NKD1: variants seen among roughly 807,000 people sequenced by gnomAD.
NKD1 encodes protein naked cuticle homolog 1.
NKD1 carries 21 observed loss-of-function variants against 56.0 expected under a neutral mutation model. That is an observed-to-expected ratio of 0.38 (90% confidence interval 0.27 to 0.54). The LOEUF (loss-of-function observed/expected upper bound fraction) is 0.54, where lower values mean the gene tolerates loss of function less well. Ranked by LOEUF, NKD1 falls within the 20% of genes least tolerant of loss-of-function variation. The pLI is 0.82. For missense variants in NKD1, 578 were observed against 642.7 expected, an observed-to-expected ratio of 0.90 and a Z score of 1.09; for synonymous variants, 263 against 265.7, an observed-to-expected ratio of 0.99 and a Z score of 0.10.
At chr16:50,549,202 A>G (rs1328486142) in intron 2 of NKD1, among the ~76,000 whole-genome samples, 1 of 148,706 alleles carries the variant, frequency 6.7e-6, no homozygotes, top group Non-Finnish European at 1.5e-5. Context: ...GGTACTGCTC[A>G]CCCCTCTTGC....
At chr16:50,583,235 G>T (rs73589914) in intron 3 of NKD1, among the ~76,000 whole-genome samples, 1 of 152,090 alleles carries the variant, frequency 6.6e-6, no homozygotes, top group Non-Finnish European at 1.5e-5. Flanking sequence ...AGAAAGCCTG[G>T]CAGCTTTTGC....
chr16:50,563,173 T>C (rs562792743), intron 3 of NKD1, among the ~76,000 whole-genome samples: 8 of 152,386 alleles, frequency 5.2e-5, no homozygotes, highest in African/African-American at 1.4e-4. Context: ...TATATTTTAT[T>C]TGAATGAATT....
At chr16:50,584,373 C>T (rs1961183040) in intron 3 of NKD1, among the ~76,000 whole-genome samples, 1 of 152,156 alleles carries the variant, frequency 6.6e-6, no homozygotes, top group African/African-American at 2.4e-5. Context: ...GGGAGGGCTC[C>T]CCCAAAAGGG....
rs575981747 is a variant in NKD1, at chr16:50,640,265, G to A, written c.*6484G>A. 6.6e-6 allele frequency: 1 copy of A among 152,398 alleles called. No individual in the cohort carries two copies. Among genetic ancestry groups the A allele is most frequent in the South Asian group, 2.1e-4 (1 of 4,826 alleles). 9.4% of individuals were successfully genotyped at this position (152,398 alleles called of 1,614,324 possible). A position where few individuals can be genotyped will look rare whatever the true frequency, so the allele number is the denominator to read the frequency against. On this transcript the variant is annotated 3_prime_UTR_variant, in exon 10 of 10. Coordinates refer to ENST00000268459, the MANE Select transcript of NKD1 (RefSeq NM_033119.5). ...AGACCAAGACCTTCAGGGGCCCTAAGCACTGAAAACATCATTCCTCATCCC... is the reference window on the plus strand; with the variant it reads ...AGACCAAGACCTTCAGGGGCCCTAAACACTGAAAACATCATTCCTCATCCC...
At chr16:50,629,574 T>C (rs1962298146) in intron 6 of NKD1, among the ~76,000 whole-genome samples, 1 of 152,180 alleles carries the variant, frequency 6.6e-6, no homozygotes, top group African/African-American at 2.4e-5. Context: ...AGGAGTTGGC[T>C]TGGCCCCTGC....
chr16:50,647,900 T>C lies in NKD1; in HGVS notation c.*14119T>C, dbSNP rs1962709859. On this transcript the variant is annotated 3_prime_UTR_variant, in exon 10 of 10. Coordinates refer to ENST00000268459, the MANE Select transcript of NKD1 (RefSeq NM_033119.5). The stretch of plus-strand genomic sequence containing the variant: ...GGTTTGGACATTTCCTGAGAATCCA[T>C]GGGGGAACCATTCAGGGTTTGGGGC... 6.6e-6 allele frequency: 1 copy of C among 152,204 alleles called. No homozygotes were observed. The highest frequency in any genetic ancestry group is 1.9e-4 in the East Asian group (1 of 5,194). 9.4% of individuals were successfully genotyped at this position (152,204 alleles called of 1,614,324 possible).
In NKD1 at chr16:50,632,239, G is replaced by A. The variant is rs374506027; in HGVS notation, c.696-42G>A. On this transcript the variant is annotated intron_variant, in intron 8 of 9. Transcript: ENST00000268459. The surrounding 1 kb of genome is among the most constrained non-coding windows in gnomAD (Gnocchi z 4.1). The stretch of plus-strand genomic sequence containing the variant: ...GTAGCCTATGCGCTTGCCCCCACCT[G>A]GTGGTTGGTGTTATCCCACTCACTT... 1.9e-6 allele frequency: 3 copies of A among 1,609,118 alleles called. No individual in the cohort carries two copies. The African/African-American group carries it at 4.0e-5, about 21-fold the overall frequency.
At chr16:50,630,575 G>A (rs1962322253) in intron 7 of NKD1, among the ~76,000 whole-genome samples, 2 of 152,078 alleles carry the variant, frequency 1.3e-5, no homozygotes, top group Non-Finnish European at 2.9e-5. Flanking sequence ...CTGGTGTTAC[G>A]GGCAGCATGG....
chr16:50,604,532 A>G (rs1028285436), intron 3 of NKD1, among the ~76,000 whole-genome samples: 3 of 152,200 alleles, frequency 2.0e-5, no homozygotes, highest in Non-Finnish European at 4.4e-5. Context: ...AGCGCTTCAC[A>G]TGCAATGACT....
intron 3 of NKD1, among the ~76,000 whole-genome samples, chr16:50,588,158 A>G (rs542134792): frequency 7.9e-5 from 12 of 152,344 alleles, no homozygotes; most frequent in African/African-American, 2.4e-4. Flanking sequence ...ACATTCATAC[A>G]TGGAAAGGAA....
At chr16:50,574,484 C>T in intron 3 of NKD1, 1 of 982,450 alleles carries the variant, frequency 1.0e-6, no homozygotes, top group Non-Finnish European at 1.2e-6. Flanking sequence ...TTTTTGGAAA[C>T]TCTCCATTTT....
intron 4 of NKD1, among the ~76,000 whole-genome samples, chr16:50,620,587 A>G (rs535597811): frequency 1.3e-5 from 2 of 152,284 alleles, no homozygotes; most frequent in African/African-American, 2.4e-5. Context: ...CCCCAGGGCA[A>G]CAGAAGGAAT....
At chr16:50,596,444 G>T (rs1224190331) in intron 3 of NKD1, among the ~76,000 whole-genome samples, 3 of 152,014 alleles carry the variant, frequency 2.0e-5, no homozygotes, top group African/African-American at 7.2e-5. Context: ...GTTCATGGAA[G>T]ACCATTGGGT....
At chr16:50,614,741 A>G (rs1230290520) in intron 4 of NKD1, among the ~76,000 whole-genome samples, 3 of 152,182 alleles carry the variant, frequency 2.0e-5, no homozygotes, top group African/African-American at 7.2e-5. Flanking sequence ...TATTTCCCCT[A>G]GTATCACCTC....
At chr16:50,570,026 G>A (rs991207232) in intron 3 of NKD1, among the ~76,000 whole-genome samples, 1 of 152,120 alleles carries the variant, frequency 6.6e-6, no homozygotes, top group Non-Finnish European at 1.5e-5. Flanking sequence ...GATTGGGAGT[G>A]CTCAGGGGAT....
At chr16:50,584,973 T>C (rs1477003174) in intron 3 of NKD1, among the ~76,000 whole-genome samples, 1 of 152,210 alleles carries the variant, frequency 6.6e-6, no homozygotes, top group East Asian at 1.9e-4. Context: ...GGACCCCCGA[T>C]TGAAGGCACC....
At chr16:50,570,011 G>A (rs953540456) in intron 3 of NKD1, among the ~76,000 whole-genome samples, 5 of 152,164 alleles carry the variant, frequency 3.3e-5, no homozygotes, top group Admixed American at 2.6e-4. Flanking sequence ...AATAGGGCGG[G>A]TCTGGATTGG....
At chr16:50,601,297 T>C (rs1052622393) in intron 3 of NKD1, among the ~76,000 whole-genome samples, 1 of 152,208 alleles carries the variant, frequency 6.6e-6, no homozygotes, top group Non-Finnish European at 1.5e-5. Flanking sequence ...GTCAGAGCTT[T>C]TAGTTGCAAG....
At chr16:50,554,278 G>A (rs1567332636) in intron 3 of NKD1, among the ~76,000 whole-genome samples, 1 of 152,130 alleles carries the variant, frequency 6.6e-6, no homozygotes, top group Admixed American at 6.5e-5. Flanking sequence ...TCCTCTGCTC[G>A]CCCAGTGGGG....
Sources: allele counts gnomAD v4.1 joint callset (sites outside exome capture counted in the v4.1 genomes callset), GRCh38; gene constraint gnomAD v4.1.1; non-coding constraint Gnocchi (gnomAD v3.1); transcripts MANE v1.5; gene names NCBI Gene and HGNC (gene_info 2026-07-23, HGNC 2026-07-21).